SYNPR: variants seen among roughly 807,000 people sequenced by gnomAD.
SYNPR encodes the protein synaptoporin.
A neutral mutation model predicts 32.9 loss-of-function variants in SYNPR; 23 were observed. The observed-to-expected ratio is 0.70, with a 90% confidence interval of 0.50 to 0.99. SYNPR has a LOEUF of 0.99. Ranked by LOEUF, SYNPR falls within the 50% of genes least tolerant of loss-of-function variation. The pLI is 0.00. For missense variants in SYNPR, 318 were observed against 349.3 expected (o/e 0.91, Z 0.71); for synonymous variants, 146 against 135.9 (o/e 1.07, Z -0.52).
chr3:63,600,374 G>A (rs1039464641), intron 4 of SYNPR, among the ~76,000 whole-genome samples: 1 of 152,164 alleles, frequency 6.6e-6, no homozygotes, highest in Non-Finnish European at 1.5e-5. Flanking sequence ...CCTGCCCTCT[G>A]GATACCAGCT....
chr3:63,532,805 C>G (rs1249759351), intron 3 of SYNPR, among the ~76,000 whole-genome samples: 2 of 152,162 alleles, frequency 1.3e-5, no homozygotes, highest in African/African-American at 4.8e-5. Context: ...TTGTCCTAAG[C>G]AATTTAGTCC....
At chr3:63,247,924 C>A (rs188044700) in intron 1 of SYNPR, among the ~76,000 whole-genome samples, 22 of 152,204 alleles carry the variant, frequency 1.4e-4, no homozygotes, top group Admixed American at 5.9e-4. Flanking sequence ...GAATCAGGAA[C>A]CCAGGTGATG....
At chr3:63,307,842 A>G (rs955767921) in intron 2 of SYNPR, among the ~76,000 whole-genome samples, 3 of 152,060 alleles carry the variant, frequency 2.0e-5, no homozygotes, top group Non-Finnish European at 4.4e-5. Context: ...TGCTTTAGAG[A>G]AAAAAACATG....
chr3:63,538,197 G>A (rs1702241519), intron 3 of SYNPR, among the ~76,000 whole-genome samples: 1 of 152,016 alleles, frequency 6.6e-6, no homozygotes, highest in Admixed American at 6.6e-5. Context: ...AGAAGCTGAT[G>A]GCATCCTACT....
intron 2 of SYNPR, among the ~76,000 whole-genome samples, chr3:63,432,399 G>A (rs573424807): frequency 2.0e-5 from 3 of 152,174 alleles, no homozygotes; most frequent in Admixed American, 2.0e-4. Flanking sequence ...GATTAGGGAT[G>A]GTTTAAGGTA....
At chr3:63,392,676 G>A (rs1290258312) in intron 2 of SYNPR, among the ~76,000 whole-genome samples, 1 of 152,138 alleles carries the variant, frequency 6.6e-6, no homozygotes, top group Non-Finnish European at 1.5e-5. Context: ...CCAGCCCAAA[G>A]GGAAACTGTC....
At chr3:63,224,585 G>C (rs1290287868), upstream of SYNPR, among the ~76,000 whole-genome samples, 1 of 152,182 alleles carries the variant, frequency 6.6e-6, no homozygotes, top group Non-Finnish European at 1.5e-5. Context: ...AAACCTCTTG[G>C]AAAGTTTAAT....
At chr3:63,409,823 A>C (rs2088437592) in intron 2 of SYNPR, among the ~76,000 whole-genome samples, 2 of 152,152 alleles carry the variant, frequency 1.3e-5, no homozygotes, top group Admixed American at 1.3e-4. Context: ...ACCCACCTGG[A>C]GTTAGGTGTG....
In SYNPR at chr3:63,489,256, G is replaced by A. The variant is rs74974813; in HGVS notation, c.209+8300G>A. 2.8e-4 allele frequency among the ~76,000 whole-genome samples: 42 copies of A among 152,264 alleles called. No individual in the cohort carries two copies. The South Asian group carries it at 5.0e-3, about 18-fold the overall frequency. ...ACATGCTCCAACAGTAAATCCATCC[G>A]GCAAGTGTTCAGGCTGGATAATTAT... is the stretch of plus-strand genomic sequence containing the variant. On this transcript the variant is annotated intron_variant, in intron 3 of 5. Coordinates refer to ENST00000478300, the MANE Select transcript of SYNPR (RefSeq NM_001130003.2).
At chr3:63,205,423 A>G in the SYNPR span, among the ~76,000 whole-genome samples, 7 of 152,216 alleles carry the variant, frequency 4.6e-5, no homozygotes, top group Admixed American at 1.3e-4. Flanking sequence ...TTCATGTAAT[A>G]CTTAGCCTAG....
At chr3:63,352,981 G>A (rs958755630) in intron 2 of SYNPR, among the ~76,000 whole-genome samples, 57 of 152,124 alleles carry the variant, frequency 3.7e-4, no homozygotes, top group African/African-American at 1.1e-3. Context: ...GATTTGAGTG[G>A]GGACAGAGCT....
chr3:63,564,785 T>G (rs1449520060), intron 4 of SYNPR, among the ~76,000 whole-genome samples: 1 of 152,220 alleles, frequency 6.6e-6, no homozygotes, highest in Non-Finnish European at 1.5e-5. Flanking sequence ...AAATGAAGGT[T>G]CATTCCCACT....
chr3:63,574,838 C>A (rs1412697835), intron 4 of SYNPR, among the ~76,000 whole-genome samples: 2 of 152,020 alleles, frequency 1.3e-5, no homozygotes, highest in African/African-American at 2.4e-5. Flanking sequence ...GATAAGCAGG[C>A]AATTTAAGGA....
the SYNPR span, among the ~76,000 whole-genome samples, chr3:63,201,665 CAG>C: frequency 1.3e-5 from 2 of 151,858 alleles, no homozygotes; most frequent in African/African-American, 4.8e-5. Flanking sequence ...AGATATTTTT[CAG>C]AGTCATTTAA....
chr3:63,557,985 T>G (rs1333047713), intron 4 of SYNPR, among the ~76,000 whole-genome samples: 1 of 152,236 alleles, frequency 6.6e-6, no homozygotes, highest in Non-Finnish European at 1.5e-5. Context: ...GTTAGATAAC[T>G]AAGATGAGTT....
chr3:63,353,044 G>C (rs62251366), intron 2 of SYNPR, among the ~76,000 whole-genome samples: 1 of 152,118 alleles, frequency 6.6e-6, no homozygotes, highest in East Asian at 1.9e-4. Flanking sequence ...AATAATAATT[G>C]TATATATTAT....
At chr3:63,343,439 C>T (rs1228726442) in intron 2 of SYNPR, among the ~76,000 whole-genome samples, 4 of 152,098 alleles carry the variant, frequency 2.6e-5, no homozygotes, top group Admixed American at 6.6e-5. Flanking sequence ...TGGTGTGCAT[C>T]CCAGGGGCAT....
chr3:63,426,248 T>G (rs922725564), intron 2 of SYNPR, among the ~76,000 whole-genome samples: 4 of 152,210 alleles, frequency 2.6e-5, no homozygotes, highest in African/African-American at 9.6e-5. Flanking sequence ...CCTTGTCTTC[T>G]CAAACGTTAT....
intron 3 of SYNPR, among the ~76,000 whole-genome samples, chr3:63,554,847 A>T (rs1169291983): frequency 7.2e-5 from 11 of 152,274 alleles, no homozygotes; most frequent in African/African-American, 2.4e-4. Context: ...ATCCATGAAC[A>T]TGGAAAGTAT....
Sources: gnomAD v4.1 joint callset for allele counts (sites outside exome capture counted in the v4.1 genomes callset) on GRCh38, gnomAD v4.1.1 for gene constraint, MANE v1.5 for transcripts, NCBI Gene and HGNC (gene_info 2026-07-23, HGNC 2026-07-21) for gene names.